DSCAML1: variants seen among roughly 807,000 people sequenced by gnomAD.
DSCAML1 encodes the protein DS cell adhesion molecule like 1.
Under a neutral mutation model 200.5 loss-of-function variants are expected in DSCAML1, and 38 were observed. The observed-to-expected ratio is 0.19, with a 90% CI of 0.15 to 0.25. DSCAML1 has a LOEUF of 0.25. DSCAML1 is among the 10% of genes least tolerant of loss of function. The pLI, the probability that DSCAML1 is intolerant of heterozygous loss-of-function variation, is 1.00. For synonymous variants in DSCAML1, 1,215 were observed against 1,165.0 expected, an observed-to-expected ratio of 1.04 and a Z score of -0.87; for missense variants, 2,223 against 2,858.8, an observed-to-expected ratio of 0.78 and a Z score of 5.07.
intron 20 of DSCAML1, 71 bp from the exon 21 acceptor site, chr11:117,444,110 G>A: frequency 1.3e-6 from 2 of 1,520,620 alleles, no homozygotes; most frequent in Non-Finnish European, 1.8e-6. Flanking sequence ...CTTCCTCAGT[G>A]CCCGGGGCTC....
At position 117,435,672 on chromosome 11, in the gene DSCAML1, C is replaced by T; in HGVS notation, c.4848G>A (p.Arg1616=). 1 of 1,603,316 alleles carries T rather than the reference C, an allele frequency of 6.2e-7. No individual in the cohort carries two copies. The highest frequency in any genetic ancestry group is 8.5e-7 in the Non-Finnish European group (1 of 1,171,684). The part of the protein sequence containing the change: ...VALLFIVRKK[R]KEKRLKRLRD... ...GGAGTCGCTTCAGCCGTTTCTCCTT[C>T]CTCTTCTTGCGTACGATGAAGAGCA... The change falls in exon 27 of 33, where the codon AGG becomes AGA. Residue 1616 remains arginine (R), a synonymous_variant. Transcript: ENST00000651296.
chr11:117,510,927 T>A (rs1418829659), intron 8 of DSCAML1, among the ~76,000 whole-genome samples: 1 of 152,136 alleles, frequency 6.6e-6, no homozygotes, highest in Non-Finnish European at 1.5e-5. Context: ...GCAGGCCATC[T>A]CCTCCTAGGG....
intron 3 of DSCAML1, among the ~76,000 whole-genome samples, chr11:117,635,909 T>A (rs766324125): frequency 4.6e-5 from 7 of 152,156 alleles, no homozygotes; most frequent in Admixed American, 2.0e-4. Context: ...CCAGGTCATA[T>A]AAAGGACTTG....
chr11:117,790,815 G>C (rs1300094928), intron 1 of DSCAML1, among the ~76,000 whole-genome samples: 2 of 152,160 alleles, frequency 1.3e-5, no homozygotes, highest in Non-Finnish European at 2.9e-5. Context: ...GGTAAGACAG[G>C]CTGAGCTTTG....
At chr11:117,568,021 C>T (rs1340651438) in intron 3 of DSCAML1, among the ~76,000 whole-genome samples, 2 of 151,824 alleles carry the variant, frequency 1.3e-5, no homozygotes, top group Non-Finnish European at 3.0e-5. Context: ...AAAGCTTATC[C>T]ACCATGATCA....
chr11:117,494,580 G>A (rs1240947688), intron 11 of DSCAML1, among the ~76,000 whole-genome samples: 4 of 152,236 alleles, frequency 2.6e-5, no homozygotes, highest in Non-Finnish European at 5.9e-5. Context: ...CTGGGCATGG[G>A]ATTGTTGTGG....
At position 117,437,917 on chromosome 11, in the gene DSCAML1, G is replaced by T. The variant is rs987842030; in HGVS notation, c.4410C>A (p.Ile1470=). The T allele has an allele frequency of 2.5e-6, 4 of 1,611,216 alleles. No homozygotes were observed. The highest frequency in any genetic ancestry group is 2.7e-5 in the African/African-American group (2 of 74,856). ...CACCCCGCCCGTGGGTCTTGGCCTC[G>T]ATGATCTCGCTGATGCGCCCAGAGC... ...SVGSGRISEI[I]EAKTHGREPS... The change falls in exon 25 of 33, where the codon ATC becomes ATA. Residue 1470 remains isoleucine, a synonymous_variant. Coordinates refer to ENST00000651296, the MANE Select transcript of DSCAML1 (RefSeq NM_020693.4). The surrounding 1 kb of genome is among the most constrained non-coding windows in gnomAD (Gnocchi z 5.3).
At chr11:117,711,914 T>C (rs2053856478) in intron 3 of DSCAML1, among the ~76,000 whole-genome samples, 1 of 152,222 alleles carries the variant, frequency 6.6e-6, no homozygotes, top group Non-Finnish European at 1.5e-5. Context: ...TCTCCACTTA[T>C]TACTCCCATT....
At chr11:117,766,208 T>C (rs542466989) in intron 3 of DSCAML1, among the ~76,000 whole-genome samples, 12 of 152,324 alleles carry the variant, frequency 7.9e-5, no homozygotes, top group Admixed American at 4.6e-4. Context: ...CTGGCTCTCA[T>C]TGATACACAA....
intron 3 of DSCAML1, among the ~76,000 whole-genome samples, chr11:117,696,759 T>C (rs1053260450): frequency 6.6e-6 from 1 of 152,170 alleles, no homozygotes; most frequent in African/African-American, 2.4e-5. Context: ...TGGCTTCACA[T>C]GGGGGCTGGA....
chr11:117,445,963 G>C (rs1037097940), intron 20 of DSCAML1, among the ~76,000 whole-genome samples: 1 of 151,912 alleles, frequency 6.6e-6, no homozygotes, highest in African/African-American at 2.4e-5. Context: ...AGAAACTATA[G>C]GTAAATATTT....
At chr11:117,532,345 T>A in intron 4 of DSCAML1, 31 bp downstream of exon 4, 1 of 1,602,726 alleles carries the variant, frequency 6.2e-7, no homozygotes, top group Non-Finnish European at 8.5e-7. Flanking sequence ...CTTCCCAGCC[T>A]GCCCCGTTCT....
At chr11:117,458,451 T>C (rs1038447078) in intron 19 of DSCAML1, among the ~76,000 whole-genome samples, 7 of 152,146 alleles carry the variant, frequency 4.6e-5, no homozygotes, top group Non-Finnish European at 8.8e-5. Context: ...GGGGAGCAGA[T>C]GCCACAGAAA....
chr11:117,806,149 G>T (rs1428310934), intron 1 of DSCAML1, among the ~76,000 whole-genome samples: 1 of 152,228 alleles, frequency 6.6e-6, no homozygotes, highest in Non-Finnish European at 1.5e-5. Flanking sequence ...TGATGTGGCT[G>T]GGTTGGATGA....
intron 3 of DSCAML1, among the ~76,000 whole-genome samples, chr11:117,613,288 G>A (rs1269092923): frequency 6.6e-6 from 1 of 152,032 alleles, no homozygotes; most frequent in East Asian, 1.9e-4. Context: ...AAAGACACAA[G>A]GGTGCTCTTG....
chr11:117,660,779 A>G (rs1033261266), intron 3 of DSCAML1, among the ~76,000 whole-genome samples: 4 of 152,132 alleles, frequency 2.6e-5, no homozygotes, highest in African/African-American at 9.7e-5. Context: ...TTCACATGGA[A>G]CATCGATGCA....
At chr11:117,436,082 A>C (rs1853615756) in intron 26 of DSCAML1, among the ~76,000 whole-genome samples, 2 of 152,162 alleles carry the variant, frequency 1.3e-5, no homozygotes, top group Non-Finnish European at 2.9e-5. Flanking sequence ...TCGCCTGTTG[A>C]AGTTCAGTGC....
At chr11:117,807,514 A>G (rs1404340852) in intron 1 of DSCAML1, among the ~76,000 whole-genome samples, 1 of 152,234 alleles carries the variant, frequency 6.6e-6, no homozygotes, top group Non-Finnish European at 1.5e-5. Context: ...ACTTCTCATG[A>G]GCTGGGAGGA....
intron 3 of DSCAML1, among the ~76,000 whole-genome samples, chr11:117,678,278 G>C (rs914196894): frequency 2.0e-5 from 3 of 152,222 alleles, no homozygotes; most frequent in East Asian, 3.9e-4. Context: ...TGAGCCCCAG[G>C]CTACAGGGTG....
Sources: allele counts gnomAD v4.1 joint callset (sites outside exome capture counted in the v4.1 genomes callset), GRCh38; gene constraint gnomAD v4.1.1; non-coding constraint Gnocchi (gnomAD v3.1); transcripts MANE v1.5; gene names NCBI Gene and HGNC (gene_info 2026-07-23, HGNC 2026-07-21).